Variants in SLC9C1 observed in about 807,000 individuals in gnomAD.
SLC9C1 encodes the protein sodium/hydrogen exchanger 10.
Under a neutral mutation model 140.9 loss-of-function variants are expected in SLC9C1, and 97 were observed. The observed-to-expected ratio is 0.69, with a 90% CI of 0.58 to 0.82. The LOEUF (loss-of-function observed/expected upper bound fraction) is 0.82, where lower values mean the gene tolerates loss of function less well. Among genes scored for constraint, SLC9C1 ranks in the 40% least tolerant of loss-of-function variants. The probability of loss-of-function intolerance (pLI) is 0.00; values close to 1 mark genes in which losing one functional copy is unlikely to be tolerated. For missense variants in SLC9C1, 1,340 were observed against 1,389.3 expected (o/e 0.96, Z 0.56); for synonymous variants, 440 against 442.6 (o/e 0.99, Z 0.07).
chr3:112,237,573 A>G (rs1410999836), intron 12 of SLC9C1, among the ~76,000 whole-genome samples: 1 of 152,162 alleles, frequency 6.6e-6, no homozygotes, highest in Non-Finnish European at 1.5e-5. Flanking sequence ...ACAATTTGGC[A>G]TGTTTCTGCA....
chr3:112,279,105 A>T (rs4478055), intron 3 of SLC9C1, among the ~76,000 whole-genome samples: 88,089 of 151,878 alleles, frequency 0.58, 26,183 homozygotes, highest in East Asian at 0.79. Context: ...AATAACTAAT[A>T]AACAATGTTT....
intron 20 of SLC9C1, among the ~76,000 whole-genome samples, chr3:112,192,894 C>T (rs1158991550): frequency 6.6e-6 from 1 of 152,092 alleles, no homozygotes; most frequent in African/African-American, 2.4e-5. Context: ...TATTTCCTTG[C>T]TTTTTCATGT....
chr3:112,243,549 C>CT (rs921994257), intron 11 of SLC9C1, among the ~76,000 whole-genome samples: 24 of 152,222 alleles, frequency 1.6e-4, no homozygotes, highest in African/African-American at 5.8e-4. Context: ...CTTTTGGGTA[C>CT]TGTGGTCACT....
chr3:112,149,754 A>G (rs917334950), intron 28 of SLC9C1, among the ~76,000 whole-genome samples: 1 of 151,968 alleles, frequency 6.6e-6, no homozygotes, highest in Non-Finnish European at 1.5e-5. Context: ...GAACAAGGCA[A>G]ATGGGTGCTC....
intron 26 of SLC9C1, among the ~76,000 whole-genome samples, chr3:112,161,702 C>T (rs1351155934): frequency 4.6e-5 from 7 of 151,948 alleles, no homozygotes; most frequent in South Asian, 2.1e-4. Context: ...AGTCAGGTAG[C>T]GTGATGCCTC....
intron 28 of SLC9C1, among the ~76,000 whole-genome samples, chr3:112,147,179 C>T (rs961421455): frequency 6.6e-6 from 1 of 152,116 alleles, no homozygotes; most frequent in Admixed American, 6.5e-5. Flanking sequence ...ACTTTGAGCT[C>T]ATTGGTGTCA....
At chr3:112,186,956 C>T (rs1446150659) in intron 20 of SLC9C1, among the ~76,000 whole-genome samples, 1 of 152,304 alleles carries the variant, frequency 6.6e-6, no homozygotes, top group East Asian at 1.9e-4. Flanking sequence ...AATGGCATTG[C>T]TTCTGTTCAT....
intron 20 of SLC9C1, among the ~76,000 whole-genome samples, chr3:112,188,689 TG>T (rs573673043): frequency 4.6e-5 from 7 of 152,246 alleles, no homozygotes; most frequent in Non-Finnish European, 1.0e-4. Context: ...AGTGTTGCAA[TG>T]AACATACGTG....
intron 15 of SLC9C1, among the ~76,000 whole-genome samples, chr3:112,210,054 A>G (rs1308566316): frequency 2.0e-5 from 3 of 152,234 alleles, no homozygotes; most frequent in Non-Finnish European, 4.4e-5. Context: ...AAGTTGAAGG[A>G]CTTATACTTC....
At chr3:112,164,573 TTTTC>T (rs2075408124) in intron 26 of SLC9C1, among the ~76,000 whole-genome samples, 1 of 150,378 alleles carries the variant, frequency 6.6e-6, no homozygotes, top group Admixed American at 6.7e-5. Flanking sequence ...TTGAAAATTC[TTTTC>T]TTTAAGAATG....
At chr3:112,150,765 AATACATATATATATATAAATACATATAC>A (rs2074934599) in intron 28 of SLC9C1, among the ~76,000 whole-genome samples, 1 of 141,168 alleles carries the variant, frequency 7.1e-6, no homozygotes, top group Non-Finnish European at 1.5e-5. Flanking sequence ...TATATATAAA[AATACATATATATATATAAATACATATAC>A]ATATATATAT....
intron 17 of SLC9C1, among the ~76,000 whole-genome samples, chr3:112,203,286 C>A (rs1315757325): frequency 2.6e-5 from 4 of 151,916 alleles, no homozygotes; most frequent in African/African-American, 9.7e-5. Context: ...TTATTAGTTT[C>A]TTCATCTGAA....
intron 1 of SLC9C1, among the ~76,000 whole-genome samples, chr3:112,290,022 G>A (rs1482310604): frequency 6.6e-6 from 1 of 152,114 alleles, no homozygotes; most frequent in African/African-American, 2.4e-5. Flanking sequence ...TGAGCAACTG[G>A]TGTTTAGAAA....
chr3:112,190,486 C>G (rs1235119567), intron 20 of SLC9C1, among the ~76,000 whole-genome samples: 1 of 152,136 alleles, frequency 6.6e-6, no homozygotes, highest in Non-Finnish European at 1.5e-5. Context: ...AATGGCTGTG[C>G]TGACTTACAT....
intron 1 of SLC9C1, among the ~76,000 whole-genome samples, chr3:112,289,464 G>A (rs1353548750): frequency 6.6e-6 from 1 of 152,202 alleles, no homozygotes; most frequent in Non-Finnish European, 1.5e-5. Flanking sequence ...ATACAGCTGT[G>A]ATGGGCACAG....
chr3:112,160,524 G>T (rs2075266284), intron 26 of SLC9C1, among the ~76,000 whole-genome samples: 2 of 150,434 alleles, frequency 1.3e-5, no homozygotes, highest in Admixed American at 6.7e-5. Context: ...GCGGTGTTTG[G>T]TTTTTTGTTC....
chr3:112,188,845 C>T (rs777199599), intron 20 of SLC9C1, among the ~76,000 whole-genome samples: 1 of 152,230 alleles, frequency 6.6e-6, no homozygotes, highest in Non-Finnish European at 1.5e-5. Context: ...TTTACACTCC[C>T]ACCAACAGTG....
Position 112,203,233 on chromosome 3 carries a change from T to G in SLC9C1, c.2173-834A>C, listed in dbSNP as rs997635931. Reference sequence around the variant, plus strand: ...CCTGTGATTTAACATAAGACCATAGTTCAGAGTTTTCTGAATATATCAACA... The same window carrying G: ...CCTGTGATTTAACATAAGACCATAGGTCAGAGTTTTCTGAATATATCAACA... On this transcript the variant is annotated intron_variant, in intron 17 of 28. Coordinates refer to ENST00000305815, the MANE Select transcript of SLC9C1 (RefSeq NM_183061.3). Among the ~76,000 whole-genome samples, 11 of 152,164 alleles carry G rather than the reference T, an allele frequency of 7.2e-5. No homozygotes were observed. In the East Asian group the frequency reaches 2.1e-3, roughly 29 times the overall value.
chr3:112,250,913 G>T (rs936888103), intron 10 of SLC9C1, among the ~76,000 whole-genome samples: 2 of 152,108 alleles, frequency 1.3e-5, no homozygotes, highest in Non-Finnish European at 2.9e-5. Context: ...AATATAAATT[G>T]TTCTACCATA....
Sources: allele counts gnomAD v4.1 joint callset (sites outside exome capture counted in the v4.1 genomes callset), GRCh38; gene constraint gnomAD v4.1.1; transcripts MANE v1.5; gene names NCBI Gene and HGNC (gene_info 2026-07-23, HGNC 2026-07-21).